Variants in NUP98 observed in about 807,000 individuals in gnomAD.
NUP98 encodes the protein nucleoporin 98 and 96 precursor.
Under a neutral mutation model 191.9 loss-of-function variants are expected in NUP98, and 26 were observed. That is an observed-to-expected ratio of 0.14 (90% confidence interval 0.10 to 0.19). The LOEUF (loss-of-function observed/expected upper bound fraction) is 0.19. Among genes scored for constraint, NUP98 ranks in the 10% least tolerant of loss-of-function variants. The probability of loss-of-function intolerance (pLI) is 1.00; values close to 1 mark genes in which losing one functional copy is unlikely to be tolerated. For missense variants in NUP98, 1,941 were observed against 2,178.8 expected (o/e 0.89, Z 2.17); for synonymous variants, 808 against 778.4 (o/e 1.04, Z -0.63).
chr11:3,683,519 T>C, intron 29 of NUP98, 78 bp from the exon 30 acceptor site: 2 of 1,499,176 alleles, frequency 1.3e-6, no homozygotes, highest in Non-Finnish European at 9.0e-7. Flanking sequence ...AGAGTGGCCC[T>C]TGGGGCAGTC....
rs2082729931 is a variant in NUP98 at position 3,797,483 on chromosome 11, C to CCGT, written c.-115_-113dup. The CCGT allele has an allele frequency of 2.3e-6, 1 of 432,638 alleles. No homozygotes were observed. Among genetic ancestry groups the CCGT allele is most frequent in the Non-Finnish European group, 4.1e-6 (1 of 246,412 alleles). The allele number at this position is 432,638 out of a possible 1,614,324, so 26.8% of individuals were successfully genotyped here. A position where few individuals can be genotyped will look rare whatever the true frequency, so the allele number is the denominator to read the frequency against. ...AGAGCAGCGCGCGGCCCCCACGAAA[C>CCGT]CGTCGCCGCCGCCGCTACCACCCCT... On this transcript the variant is annotated 5_prime_UTR_variant, in exon 1 of 33. Transcript: ENST00000324932.
At chr11:3,757,644 CA>C (rs1265154144) in intron 10 of NUP98, among the ~76,000 whole-genome samples, 1 of 151,392 alleles carries the variant, frequency 6.6e-6, no homozygotes, top group Non-Finnish European at 1.5e-5. Context: ...ACTAAAAATA[CA>C]AAAATTAGCT....
chr11:3,737,321 C>CAAAAAAAAA (rs34718372), intron 12 of NUP98, among the ~76,000 whole-genome samples: 1 of 111,966 alleles, frequency 8.9e-6, no homozygotes, highest in Non-Finnish European at 1.8e-5. Context: ...GCAGTAATAA[C>CAAAAAAAAA]AAAAAAAAAA....
chr11:3,707,316 T>TAAC (rs1411269075), intron 20 of NUP98, among the ~76,000 whole-genome samples: 1 of 152,290 alleles, frequency 6.6e-6, no homozygotes, highest in African/African-American at 2.4e-5. Context: ...CAACTATGAC[T>TAAC]AACAGTCTAT....
intron 1 of NUP98, among the ~76,000 whole-genome samples, chr11:3,795,373 G>A (rs779389297): frequency 2.6e-5 from 4 of 152,188 alleles, no homozygotes; most frequent in Non-Finnish European, 5.9e-5. Flanking sequence ...TTGAGCCCAG[G>A]AGGTAGAGGC....
intron 1 of NUP98, 68 bp downstream of exon 1, chr11:3,797,332 G>A: frequency 2.5e-6 from 1 of 399,746 alleles, no homozygotes; most frequent in Non-Finnish European, 4.4e-6. Context: ...CGCCCCGCGC[G>A]TCCGCCCGCC....
chr11:3,695,872 A>C (rs1286959151), intron 25 of NUP98, among the ~76,000 whole-genome samples: 1 of 152,172 alleles, frequency 6.6e-6, no homozygotes, highest in Non-Finnish European at 1.5e-5. Flanking sequence ...CTTCTGTGAT[A>C]CTAGGCAAGA....
At chr11:3,687,888 G>C (rs1589959194) in intron 28 of NUP98, among the ~76,000 whole-genome samples, 1 of 150,940 alleles carries the variant, frequency 6.6e-6, no homozygotes, top group Non-Finnish European at 1.5e-5. Context: ...AACAAGGCTG[G>C]GTGCAGTGAC....
At chr11:3,784,586 AAAAAAAAAAC>A (rs1227750041) in intron 1 of NUP98, among the ~76,000 whole-genome samples, 3 of 96,778 alleles carry the variant, frequency 3.1e-5, no homozygotes, top group Non-Finnish European at 4.3e-5. Context: ...TATTAAAAAC[AAAAAAAAAAC>A]AAAAAAAAAC....
intron 30 of NUP98, 101 bp downstream of exon 30, chr11:3,683,099 T>C: frequency 2.7e-6 from 4 of 1,506,262 alleles, no homozygotes; most frequent in South Asian, 2.6e-5. Context: ...AAGATGGCCA[T>C]GTCCTACGTT....
At position 3,676,206 on chromosome 11, in the gene NUP98, T is replaced by C. The variant is rs1435305256; in HGVS notation, c.5356A>G (p.Ser1786Gly). The stretch of plus-strand genomic sequence containing the variant: ...TCTCGCAGATAGGACTGGGTAAGGC[T>C]GCGCAGTTCGTCCATGGCATAGTCC... ...PEDYAMDELR[S>G]LTQSYLRELA... Residue 1786 changes from serine to glycine, a missense_variant, in exon 33 of 33, where the codon AGC becomes GGC. Around this residue, in one of 6 missense-constraint regions of NUP98, gnomAD observed 1,030 missense variants for 1,115.8 expected, o/e 0.92. Transcript: ENST00000324932. The C allele has an allele frequency of 2.5e-6, 4 of 1,613,984 alleles. No individual in the cohort carries two copies. The highest frequency in any genetic ancestry group is 3.4e-6 in the Non-Finnish European group (4 of 1,180,042).
chr11:3,779,670 A>C (rs921138289), intron 2 of NUP98, among the ~76,000 whole-genome samples: 1 of 152,052 alleles, frequency 6.6e-6, no homozygotes, highest in African/African-American at 2.4e-5. Flanking sequence ...CTGCATTTGA[A>C]CTACTAGTCT....
At chr11:3,746,419 C>A (rs1005110371) in intron 11 of NUP98, among the ~76,000 whole-genome samples, 1 of 151,514 alleles carries the variant, frequency 6.6e-6, no homozygotes, top group African/African-American at 2.4e-5. Flanking sequence ...GCACAAACTA[C>A]AGAATTGTTT....
chr11:3,752,026 A>G (rs974886700), intron 11 of NUP98, among the ~76,000 whole-genome samples: 1 of 150,872 alleles, frequency 6.6e-6, no homozygotes, highest in Non-Finnish European at 1.5e-5. Context: ...AAATACAAAA[A>G]TTAGCTGGGT....
intron 25 of NUP98, among the ~76,000 whole-genome samples, chr11:3,696,064 A>G (rs1404701487): frequency 6.6e-6 from 1 of 152,046 alleles, no homozygotes; most frequent in East Asian, 1.9e-4. Flanking sequence ...GCTGGTGCAC[A>G]CCTGTAATTC....
At chr11:3,780,813 C>T (rs968056153) in intron 2 of NUP98, among the ~76,000 whole-genome samples, 1 of 151,892 alleles carries the variant, frequency 6.6e-6, no homozygotes, top group African/African-American at 2.4e-5. Context: ...GGCGCAGTGG[C>T]TCACACCTGT....
At chr11:3,791,415 T>C (rs1257482866) in intron 1 of NUP98, among the ~76,000 whole-genome samples, 2 of 149,956 alleles carry the variant, frequency 1.3e-5, no homozygotes, top group African/African-American at 4.9e-5. Flanking sequence ...ACGCCTGTAA[T>C]CCCAGCTACT....
At chr11:3,731,928 G>A (rs1399927272) in intron 13 of NUP98, among the ~76,000 whole-genome samples, 1 of 152,180 alleles carries the variant, frequency 6.6e-6, no homozygotes, top group African/African-American at 2.4e-5. Context: ...GGATTTTGGA[G>A]CATTTTGGAT....
chr11:3,777,511 C>T (rs1245128405), intron 4 of NUP98, among the ~76,000 whole-genome samples: 3 of 151,208 alleles, frequency 2.0e-5, no homozygotes, highest in African/African-American at 4.9e-5. Flanking sequence ...GGCCCAACTA[C>T]TCGGGAGGCT....
Sources: allele counts gnomAD v4.1 joint callset (sites outside exome capture counted in the v4.1 genomes callset), GRCh38; gene constraint gnomAD v4.1.1; regional missense constraint gnomAD v4.1.1; transcripts MANE v1.5; gene names NCBI Gene and HGNC (gene_info 2026-07-23, HGNC 2026-07-21).